CSGALNACT1: variants seen among roughly 807,000 people sequenced by gnomAD.
CSGALNACT1 encodes beta4GalNAcT-1.
Under a neutral mutation model 51.0 loss-of-function variants are expected in CSGALNACT1, and 52 were observed. The ratio of observed to expected loss-of-function variants is 1.02; its 90% CI spans 0.82 to 1.29. The LOEUF is 1.29. Ranked by LOEUF, CSGALNACT1 falls within the 50% of genes most tolerant of loss-of-function variation. The pLI, the probability that CSGALNACT1 is intolerant of heterozygous loss-of-function variation, is 0.00. For synonymous variants in CSGALNACT1, 341 were observed against 254.4 expected (o/e 1.34, Z -3.24); for missense variants, 935 against 679.2 (o/e 1.38, Z -4.19).
chr8:19,620,339 A>T lies in CSGALNACT1; in HGVS notation c.-543-18474T>A, dbSNP rs1188400041. On this transcript the variant is annotated intron_variant, in intron 1 of 9. Transcript: ENST00000332246. ...CAAAAAAAAAAAAAAAAAAAAAAAAAGTGCGAAATACTGTGTCTGACCTAC... is the reference window on the plus strand; with the variant it reads ...CAAAAAAAAAAAAAAAAAAAAAAAATGTGCGAAATACTGTGTCTGACCTAC... Among the ~76,000 whole-genome samples the T allele has an allele frequency of 1.6e-4, 20 of 128,888 alleles. No homozygotes were observed. In the Admixed American group the frequency reaches 1.6e-3, roughly 10 times the overall value. 84.6% of individuals were successfully genotyped at this position (128,888 alleles called of 152,430 possible). A position where few individuals can be genotyped will look rare whatever the true frequency, so the allele number is the denominator to read the frequency against.
At chr8:19,629,022 G>GA (rs1452032452) in intron 1 of CSGALNACT1, among the ~76,000 whole-genome samples, 1 of 152,168 alleles carries the variant, frequency 6.6e-6, no homozygotes, top group Non-Finnish European at 1.5e-5. Context: ...AGAAACTGGA[G>GA]AGAGGGAAGG....
intron 1 of CSGALNACT1, among the ~76,000 whole-genome samples, chr8:19,659,478 C>A (rs563259522): frequency 2.6e-5 from 4 of 151,924 alleles, no homozygotes; most frequent in Non-Finnish European, 4.4e-5. Flanking sequence ...TGTGTGTTTC[C>A]GACAGAACTG....
In CSGALNACT1 at chr8:19,566,634, T is replaced by C. The variant is rs569011672; in HGVS notation, c.-297+24526A>G. Among the ~76,000 whole-genome samples, 97 of 152,336 alleles carry C rather than the reference T, an allele frequency of 6.4e-4. 1 individual carries two copies. The South Asian group carries it at 0.019, about 30-fold the overall frequency. ...TTTTAAATAAGTATAATTAAATATA[T>C]TCAATCTCCATTTTGCAGGTCAGAT... On this transcript the variant is annotated intron_variant, in intron 3 of 9. Coordinates refer to ENST00000454498, the Ensembl canonical transcript of CSGALNACT1.
chr8:19,599,472 A>AAGAAAGAAAG (rs1554751245), intron 2 of CSGALNACT1, among the ~76,000 whole-genome samples: 7 of 113,806 alleles, frequency 6.2e-5, no homozygotes, highest in Admixed American at 1.0e-4. Flanking sequence ...GAAAGAAAGA[A>AAGAAAGAAAG]AAAGAAAGAA....
chr8:19,699,383 A>G (rs1248564242), intron 1 of CSGALNACT1, among the ~76,000 whole-genome samples: 4 of 152,214 alleles, frequency 2.6e-5, no homozygotes, highest in African/African-American at 9.7e-5. Flanking sequence ...AGGTGGAAAC[A>G]ACCCAACTGT....
Position 19,601,437 on chromosome 8 carries a change from T to C in CSGALNACT1, c.-416+334A>G, listed in dbSNP as rs201146620. ...TCCAATGGGAGAACAAATGTCCCTA[T>C]GTAAGCGAACTGTTTCAAAAAGATG... On this transcript the variant is annotated intron_variant, in intron 2 of 9. Transcript: ENST00000454498. 3.3e-5 allele frequency among the ~76,000 whole-genome samples: 5 copies of C among 152,332 alleles called. No homozygotes were observed. In the East Asian group the frequency reaches 7.7e-4, roughly 24 times the overall value.
chr8:19,516,027 G>T (rs2975482), intron 3 of CSGALNACT1, among the ~76,000 whole-genome samples: 47 of 152,142 alleles, frequency 3.1e-4, no homozygotes, highest in Non-Finnish European at 5.6e-4. Context: ...CCCGCAAGGA[G>T]ACCTGACTCC....
chr8:19,695,424 G>A (rs1031339005), intron 1 of CSGALNACT1, among the ~76,000 whole-genome samples: 1 of 152,150 alleles, frequency 6.6e-6, no homozygotes. Context: ...TGCGGCCAGA[G>A]TGCACTTCAC....
At chr8:19,436,454 C>A (rs2060392129) in intron 6 of CSGALNACT1, among the ~76,000 whole-genome samples, 1 of 151,938 alleles carries the variant, frequency 6.6e-6, no homozygotes, top group South Asian at 2.1e-4. Flanking sequence ...GAAGTAGAGC[C>A]CAAAACAGTG....
intron 1 of CSGALNACT1, among the ~76,000 whole-genome samples, chr8:19,706,604 C>A (rs2062180297): frequency 6.6e-6 from 1 of 152,136 alleles, no homozygotes; most frequent in South Asian, 2.1e-4. Context: ...TAATGGGGAA[C>A]AAGTAAATAG....
intron 1 of CSGALNACT1, among the ~76,000 whole-genome samples, chr8:19,666,520 C>T (rs1215341881): frequency 6.6e-6 from 1 of 151,622 alleles, no homozygotes; most frequent in Non-Finnish European, 1.5e-5. Context: ...ATGATGAAAC[C>T]CTGTCTCTAC....
chr8:19,603,175 A>G (rs908154399), upstream of CSGALNACT1, among the ~76,000 whole-genome samples: 2 of 151,624 alleles, frequency 1.3e-5, no homozygotes, highest in African/African-American at 4.8e-5. Flanking sequence ...AGAAAGCGCC[A>G]AAGGAAAATT....
intron 1 of CSGALNACT1, among the ~76,000 whole-genome samples, chr8:19,681,331 T>C (rs372907134): frequency 2.0e-5 from 3 of 152,084 alleles, no homozygotes; most frequent in African/African-American, 7.2e-5. Context: ...GAATGAGAAC[T>C]AGACCAGCAG....
chr8:19,431,567 T>C (rs892822126), intron 6 of CSGALNACT1, among the ~76,000 whole-genome samples: 1 of 152,104 alleles, frequency 6.6e-6, no homozygotes, highest in Non-Finnish European at 1.5e-5. Context: ...TTCAGTTTGC[T>C]AGTGTTTTGT....
intron 3 of CSGALNACT1, among the ~76,000 whole-genome samples, chr8:19,590,017 G>T (rs2047456445): frequency 6.6e-6 from 1 of 152,122 alleles, no homozygotes; most frequent in African/African-American, 2.4e-5. Context: ...ACCTCTCTAG[G>T]TTAGACATAT....
chr8:19,417,309 C>A (rs1277077535), intron 8 of CSGALNACT1, among the ~76,000 whole-genome samples: 1 of 152,086 alleles, frequency 6.6e-6, no homozygotes, highest in Non-Finnish European at 1.5e-5. Context: ...CTGGTGCACC[C>A]CAAAATGAAG....
chr8:19,573,461 G>GCATTACACCTCTCCTCTATAACCA (rs2043457402), intron 3 of CSGALNACT1, among the ~76,000 whole-genome samples: 1 of 138,910 alleles, frequency 7.2e-6, no homozygotes, highest in African/African-American at 2.7e-5. Context: ...TTTTTTTTTT[G>GCATTACACCTCTCCTCTATAACCA]GACACTAAGT....
Position 19,505,388 on chromosome 8 carries a change from A to G in CSGALNACT1, c.447T>C (p.Asp149=), listed in dbSNP as rs758462696. 1.1e-5 allele frequency: 17 copies of G among 1,614,182 alleles called. No homozygotes were observed. The South Asian group carries it at 1.6e-4, about 16-fold the overall frequency. ...GGTACACCTTCTGTAGAGTAAAGCT[A>G]TCGAAAGGCACTGCTGCATACTCTG... The change falls in exon 4 of 10, where the codon GAT becomes GAC. Residue 149 remains aspartate (D), a synonymous_variant. Transcript: ENST00000454498.
intron 1 of CSGALNACT1, among the ~76,000 whole-genome samples, chr8:19,677,354 T>C (rs2060270234): frequency 2.0e-5 from 3 of 152,120 alleles, no homozygotes; most frequent in Admixed American, 2.0e-4. Context: ...CAAGTCATCC[T>C]CCCACCTCGG....
Sources: allele counts gnomAD v4.1 joint callset (sites outside exome capture counted in the v4.1 genomes callset), GRCh38; gene constraint gnomAD v4.1.1; transcripts MANE v1.5; gene names NCBI Gene and HGNC (gene_info 2026-07-23, HGNC 2026-07-21).